ADAM22: variants seen among roughly 807,000 people sequenced by gnomAD.
ADAM22 encodes the protein disintegrin and metalloproteinase domain-containing protein 22.
ADAM22 carries 65 observed loss-of-function variants against 144.6 expected under a neutral mutation model. That is an observed-to-expected ratio of 0.45 (90% confidence interval 0.37 to 0.55). The LOEUF (loss-of-function observed/expected upper bound fraction) is 0.55. Among genes scored for constraint, ADAM22 ranks in the 20% least tolerant of loss-of-function variants. The pLI is 0.00. For missense variants in ADAM22, 974 were observed against 1,184.9 expected (o/e 0.82, Z 2.61); for synonymous variants, 391 against 412.6 (o/e 0.95, Z 0.63).
intron 3 of ADAM22, among the ~76,000 whole-genome samples, chr7:87,994,036 A>G (rs1208749063): frequency 6.6e-6 from 1 of 152,236 alleles, no homozygotes; most frequent in Non-Finnish European, 1.5e-5. Context: ...ATCAATAATA[A>G]TAATCATGAA....
At chr7:87,945,508 TTTTC>T (rs1291522364) in intron 2 of ADAM22, among the ~76,000 whole-genome samples, 3 of 151,738 alleles carry the variant, frequency 2.0e-5, no homozygotes, top group Non-Finnish European at 4.4e-5. Context: ...ATTTCTTTTC[TTTTC>T]TTTCTTTTTT....
At chr7:88,116,619 CCT>C in intron 6 of ADAM22, 124 bp from the exon 7 acceptor site, 1 of 696,932 alleles carries the variant, frequency 1.4e-6, no homozygotes. Flanking sequence ...TGGTTCATCA[CCT>C]CTCTAAACCC....
chr7:87,972,924 C>T (rs1438438735), intron 2 of ADAM22, among the ~76,000 whole-genome samples: 1 of 152,122 alleles, frequency 6.6e-6, no homozygotes, highest in East Asian at 1.9e-4. Flanking sequence ...CTTCCTTACA[C>T]CTTATACAAA....
chr7:88,189,465 C>T lies in ADAM22; in HGVS notation c.2750+2764C>T, dbSNP rs1368280418. On this transcript the variant is annotated intron_variant, in intron 30 of 31. Transcript: ENST00000413139. ...TCCTAGAGTGTAAGCATTCTTATTA[C>T]CTTTCTGTAGATGGAGGAAACTGAG... is the stretch of plus-strand genomic sequence containing the variant. Among the ~76,000 whole-genome samples the T allele has an allele frequency of 3.3e-5, 5 of 152,132 alleles. No homozygotes were observed. In the South Asian group the frequency reaches 6.2e-4, roughly 19 times the overall value.
chr7:88,180,648 TA>T (rs765225171), intron 27 of ADAM22, among the ~76,000 whole-genome samples: 68 of 152,280 alleles, frequency 4.5e-4, no homozygotes, highest in Non-Finnish European at 9.0e-4. Context: ...TGCTATTTTC[TA>T]AAGTTCCTAT....
intron 3 of ADAM22, among the ~76,000 whole-genome samples, chr7:87,997,624 C>G (rs1039816647): frequency 6.6e-6 from 1 of 152,258 alleles, no homozygotes; most frequent in Non-Finnish European, 1.5e-5. Flanking sequence ...GTTGCAGGCG[C>G]TGCCTGCATT....
intron 2 of ADAM22, among the ~76,000 whole-genome samples, chr7:87,964,292 G>A (rs1848590016): frequency 6.6e-6 from 1 of 152,206 alleles, no homozygotes; most frequent in South Asian, 2.1e-4. Context: ...ATGTATAATG[G>A]ATAATGTGAC....
At chr7:88,148,247 G>A (rs1056463922) in intron 17 of ADAM22, among the ~76,000 whole-genome samples, 19 of 152,052 alleles carry the variant, frequency 1.2e-4, no homozygotes, top group African/African-American at 3.6e-4. Flanking sequence ...TAACATTTTG[G>A]ATAGAGAAAA....
intron 20 of ADAM22, among the ~76,000 whole-genome samples, chr7:88,152,431 G>A (rs1454951561): frequency 1.3e-5 from 2 of 152,150 alleles, no homozygotes; most frequent in Non-Finnish European, 2.9e-5. Context: ...ATTCAAGCTT[G>A]TCTTAAAGCA....
intron 2 of ADAM22, among the ~76,000 whole-genome samples, chr7:87,967,507 C>A (rs190995563): frequency 6.6e-6 from 1 of 151,854 alleles, no homozygotes; most frequent in African/African-American, 2.4e-5. Context: ...CCTTTTCATG[C>A]CTCATTTAAA....
At chr7:88,010,583 C>A (rs1402066607) in intron 3 of ADAM22, among the ~76,000 whole-genome samples, 1 of 151,998 alleles carries the variant, frequency 6.6e-6, no homozygotes, top group Admixed American at 6.6e-5. Flanking sequence ...GTCTGAAAGG[C>A]CTAAAGGAAC....
At chr7:88,137,177 T>C (rs1440434684) in intron 14 of ADAM22, among the ~76,000 whole-genome samples, 1 of 152,210 alleles carries the variant, frequency 6.6e-6, no homozygotes, top group African/African-American at 2.4e-5. Flanking sequence ...TACATCATGC[T>C]GTATGTATTC....
chr7:88,135,065 G>A (rs1832675854), intron 13 of ADAM22, among the ~76,000 whole-genome samples: 1 of 151,860 alleles, frequency 6.6e-6, no homozygotes, highest in South Asian at 2.1e-4. Flanking sequence ...ATCACCTGAG[G>A]TCAGGTGTTC....
chr7:88,161,861 A>T (rs1042099460), intron 22 of ADAM22, among the ~76,000 whole-genome samples: 4 of 152,088 alleles, frequency 2.6e-5, no homozygotes, highest in Non-Finnish European at 5.9e-5. Context: ...CTTTGGTGGG[A>T]GTGTAAATTA....
intron 15 of ADAM22, among the ~76,000 whole-genome samples, chr7:88,143,561 A>G (rs1185854738): frequency 6.6e-6 from 1 of 152,182 alleles, no homozygotes; most frequent in Non-Finnish European, 1.5e-5. Flanking sequence ...TAAAATTACA[A>G]GTATTTCTCA....
chr7:87,973,511 A>G (rs1293139507), intron 2 of ADAM22, among the ~76,000 whole-genome samples: 4 of 152,048 alleles, frequency 2.6e-5, no homozygotes, highest in Admixed American at 6.5e-5. Context: ...TAGTTCAACC[A>G]TTGTGGAAGT....
At chr7:88,098,184 A>G (rs563491154) in intron 4 of ADAM22, among the ~76,000 whole-genome samples, 7 of 152,314 alleles carry the variant, frequency 4.6e-5, no homozygotes, top group African/African-American at 1.4e-4. Flanking sequence ...AGTAAAATGG[A>G]ATATTAAGTT....
At chr7:88,015,118 G>A (rs2022164) in intron 3 of ADAM22, among the ~76,000 whole-genome samples, 60,471 of 152,010 alleles carry the variant, frequency 0.4, 13,317 homozygotes, top group South Asian at 0.59. Flanking sequence ...AAAAAGAAAT[G>A]GATTGTGGAT....
At chr7:88,010,194 A>G (rs1386545683) in intron 3 of ADAM22, among the ~76,000 whole-genome samples, 1 of 152,220 alleles carries the variant, frequency 6.6e-6, no homozygotes, top group East Asian at 1.9e-4. Flanking sequence ...GTGAAAGGAC[A>G]GGCCATGGAA....
Sources: allele counts gnomAD v4.1 joint callset (sites outside exome capture counted in the v4.1 genomes callset), GRCh38; gene constraint gnomAD v4.1.1; transcripts MANE v1.5; gene names NCBI Gene and HGNC (gene_info 2026-07-23, HGNC 2026-07-21).